The following BCO2 variants were observed in gnomAD, a reference collection of about 807,000 sequenced individuals.
BCO2 encodes the protein carotenoid-cleaving dioxygenase, mitochondrial.
A neutral mutation model predicts 65.8 loss-of-function variants in BCO2; 56 were observed. The ratio of observed to expected loss-of-function variants is 0.85; its 90% CI spans 0.69 to 1.06. BCO2 has a LOEUF of 1.06. BCO2 is among the 50% of genes least tolerant of loss of function. BCO2 has a pLI of 0.00. For missense variants in BCO2, 675 were observed against 698.5 expected, an observed-to-expected ratio of 0.97 and a Z score of 0.38; for synonymous variants, 233 against 242.3, an observed-to-expected ratio of 0.96 and a Z score of 0.36.
chr11:112,203,382 T>C (rs964466330), intron 8 of BCO2, among the ~76,000 whole-genome samples: 43 of 152,232 alleles, frequency 2.8e-4, no homozygotes, highest in African/African-American at 1.0e-3. Flanking sequence ...TTTTCTGTTT[T>C]AAGATTGCCT....
intron 8 of BCO2, among the ~76,000 whole-genome samples, chr11:112,211,779 C>T (rs1859519528): frequency 6.6e-6 from 1 of 152,194 alleles, no homozygotes; most frequent in African/African-American, 2.4e-5. Flanking sequence ...CAGTTGGTTT[C>T]TGTGGGTTTC....
chr11:112,180,754 A>G, intron 2 of BCO2: 1 of 897,084 alleles, frequency 1.1e-6, no homozygotes, highest in Non-Finnish European at 1.9e-6. Context: ...CCCACTCAGG[A>G]CCCAGTGGGG....
chr11:112,203,777 T>A (rs1015755379), intron 8 of BCO2, among the ~76,000 whole-genome samples: 7 of 152,240 alleles, frequency 4.6e-5, no homozygotes, highest in Non-Finnish European at 1.0e-4. Flanking sequence ...TGGTAACCAC[T>A]GTTTCATTGT....
intron 8 of BCO2, among the ~76,000 whole-genome samples, chr11:112,211,576 C>T (rs1242767084): frequency 6.6e-6 from 1 of 152,068 alleles, no homozygotes; most frequent in African/African-American, 2.4e-5. Context: ...ATTTTTCTAC[C>T]ATCAGCAATG....
At chr11:112,208,457 A>G (rs1360438370) in intron 8 of BCO2, 2 of 144,302 alleles carry the variant, frequency 1.4e-5, no homozygotes, top group Admixed American at 7.2e-5. Context: ...GATCTTCAGT[A>G]CAGTGTTGAA....
At chr11:112,201,744 T>C (rs148898123) in intron 7 of BCO2, among the ~76,000 whole-genome samples, 368 of 152,322 alleles carry the variant, frequency 2.4e-3, no homozygotes, top group African/African-American at 7.9e-3. Flanking sequence ...ACTCAAAACA[T>C]TGGGCTATAT....
Position 112,216,279 on chromosome 11 carries a change from C to A in BCO2, c.1575C>A (p.Thr525=), listed in dbSNP as rs753662815. 3.7e-6 allele frequency: 6 copies of A among 1,614,084 alleles called. No homozygotes were observed. The highest frequency in any genetic ancestry group is 1.7e-5 in the Admixed American group (1 of 60,010). Residue 525 remains threonine, a synonymous_variant, in exon 11 of 12, where the codon ACC becomes ACA. Transcript: ENST00000357685. The part of the protein sequence containing the change: ...SEPVFVPAPG[T]NEEDGGVILS... The stretch of plus-strand genomic sequence containing the variant: ...CTGTTTTTGTTCCAGCACCAGGAAC[C>A]AATGAAGAAGATGGTGGGGTTATTC...
In BCO2 at chr11:112,213,843, G is replaced by A. The variant is rs764118595; in HGVS notation, c.1314G>A (p.Val438=). The A allele has an allele frequency of 6.3e-7, 1 of 1,578,544 alleles. No individual in the cohort carries two copies. Among genetic ancestry groups the A allele is most frequent in the South Asian group, 1.1e-5 (1 of 89,834 alleles). ...SPLSYTSASA[V]KQADGTIWCS... is the part of the protein sequence containing the mutation. ...TGTCCTATACTTCAGCCAGTGCTGT[G>A]AAACAGGCTGATGGAACGGTATGCT... The change falls in exon 9 of 12, where the codon GTG becomes GTA. Residue 438 remains valine (V), a synonymous_variant. Coordinates refer to ENST00000357685, the MANE Select transcript of BCO2 (RefSeq NM_031938.7).
chr11:112,208,027 T>C (rs1330749403), intron 8 of BCO2, among the ~76,000 whole-genome samples: 2 of 152,020 alleles, frequency 1.3e-5, no homozygotes, highest in Non-Finnish European at 2.9e-5. Context: ...TGGTGTGATC[T>C]CAGCTCACTG....
intron 2 of BCO2, chr11:112,180,631 G>A: frequency 1.5e-6 from 1 of 663,756 alleles, no homozygotes; most frequent in Non-Finnish European, 2.8e-6. Context: ...GCATGTGTGT[G>A]GTGTGTCCCC....
intron 6 of BCO2, 22 bp from the exon 7 acceptor site, chr11:112,200,591 A>T (rs1867700894): frequency 6.3e-7 from 1 of 1,583,362 alleles, no homozygotes; most frequent in African/African-American, 1.4e-5. Flanking sequence ...TAACATTTTT[A>T]TTGTTTGCTG....
chr11:112,188,171 C>CT (rs1288095153), intron 2 of BCO2, among the ~76,000 whole-genome samples: 1 of 152,232 alleles, frequency 6.6e-6, no homozygotes, highest in African/African-American at 2.4e-5. Flanking sequence ...GAGCCATTGA[C>CT]TTTTCCCAGT....
rs775447491 is a variant in BCO2 at position 112,216,265 on chromosome 11, C to G, written c.1561C>G (p.Pro521Ala). The stretch of plus-strand genomic sequence containing the variant: ...TTATCCCTCAGAACCTGTTTTTGTT[C>G]CAGCACCAGGAACCAATGAAGAAGA... ...GFYPSEPVFVPAPGTNEEDGG... is the reference protein window; with the variant it reads ...GFYPSEPVFVAAPGTNEEDGG... The change falls in exon 11 of 12, where the codon CCA becomes GCA. Residue 521 changes from proline (P) to alanine (A), a missense_variant. By Grantham distance (27) the Pro-to-Ala change is conservative (BLOSUM62 -1). Coordinates refer to ENST00000357685, the MANE Select transcript of BCO2 (RefSeq NM_031938.7). The G allele has an allele frequency of 6.2e-7, 1 of 1,614,098 alleles. No homozygotes were observed. The highest frequency in any genetic ancestry group is 1.1e-5 in the South Asian group (1 of 91,076).
At chr11:112,217,526 T>TAAA (rs1425638318) in intron 11 of BCO2, among the ~76,000 whole-genome samples, 1 of 152,148 alleles carries the variant, frequency 6.6e-6, no homozygotes, top group African/African-American at 2.4e-5. Context: ...CACGCCTGGT[T>TAAA]AATTTTTGTA....
At chr11:112,200,136 C>T (rs987046573) in intron 6 of BCO2, among the ~76,000 whole-genome samples, 2 of 152,220 alleles carry the variant, frequency 1.3e-5, no homozygotes, top group African/African-American at 4.8e-5. Context: ...AAAATGTTGT[C>T]TTGACTATAT....
In BCO2 at chr11:112,214,278, C is replaced by T. The variant is rs148516963; in HGVS notation, c.1332+417C>T. ...TCTCCTGCCTCAGCCTCTCGAGTAG[C>T]TGGGACTACAGGCACCTGTCACCAC... is the stretch of plus-strand genomic sequence containing the variant. On this transcript the variant is annotated intron_variant, in intron 9 of 11. Transcript: ENST00000357685. Among the ~76,000 whole-genome samples the T allele has an allele frequency of 7.0e-3, 1,067 of 152,280 alleles. 12 individuals are homozygous for T. Among genetic ancestry groups the T allele is most frequent in the African/African-American group, 0.023 (970 of 41,548 alleles).
rs144345630 is a variant in BCO2, at chr11:112,214,843, C to A, written c.1414C>A (p.Arg472=). 6 of 1,613,934 alleles carry A rather than the reference C, an allele frequency of 3.7e-6. No homozygotes were observed. The highest frequency in any genetic ancestry group is 2.2e-5 in the East Asian group (1 of 44,870). Residue 472 remains arginine, a synonymous_variant, in exon 10 of 12, where the codon CGA becomes AGA. Coordinates refer to ENST00000357685, the MANE Select transcript of BCO2 (RefSeq NM_031938.7). ...TGAATTTCCTCAGATCTACTATGAT[C>A]GATTCAGTGGCAAAAAGTATCATTT... is the stretch of plus-strand genomic sequence containing the variant. ...GIEFPQIYYD[R]FSGKKYHFFY...
chr11:112,197,880 C>A (rs1040062841), intron 5 of BCO2, among the ~76,000 whole-genome samples: 5 of 152,194 alleles, frequency 3.3e-5, no homozygotes, highest in Non-Finnish European at 5.9e-5. Context: ...GTGCTCCTGG[C>A]TGAGAACTTT....
intron 2 of BCO2, among the ~76,000 whole-genome samples, chr11:112,182,340 C>T (rs1867074936): frequency 6.6e-6 from 1 of 152,208 alleles, no homozygotes; most frequent in South Asian, 2.1e-4. Flanking sequence ...ACCCAGCCAT[C>T]CCATTACTGG....
Sources: allele counts gnomAD v4.1 joint callset (sites outside exome capture counted in the v4.1 genomes callset), GRCh38; gene constraint gnomAD v4.1.1; transcripts MANE v1.5; gene names NCBI Gene and HGNC (gene_info 2026-07-23, HGNC 2026-07-21).